The following NOS1AP variants were observed in gnomAD, a reference collection of about 807,000 sequenced individuals.
NOS1AP encodes nitric oxide synthase 1 adaptor protein, also known as carboxyl-terminal PDZ ligand of neuronal nitric oxide synthase protein.
A neutral mutation model predicts 56.2 loss-of-function variants in NOS1AP; 21 were observed. The observed-to-expected ratio is 0.37, with a 90% CI of 0.26 to 0.54. The LOEUF is 0.54. NOS1AP is among the 20% of genes least tolerant of loss of function. The pLI, the probability that NOS1AP is intolerant of heterozygous loss-of-function variation, is 0.84. For missense variants in NOS1AP, 522 were observed against 657.8 expected (o/e 0.79, Z 2.26); for synonymous variants, 270 against 274.6 (o/e 0.98, Z 0.17).
At chr1:162,318,516 A>G (rs1233499907) in intron 4 of NOS1AP, among the ~76,000 whole-genome samples, 1 of 151,646 alleles carries the variant, frequency 6.6e-6, no homozygotes, top group Non-Finnish European at 1.5e-5. Context: ...AGCTTCCACG[A>G]TTGTTTTCTC....
intron 2 of NOS1AP, among the ~76,000 whole-genome samples, chr1:162,251,878 T>TTG (rs1653872619): frequency 2.2e-5 from 3 of 138,298 alleles, no homozygotes; most frequent in Non-Finnish European, 3.1e-5. Flanking sequence ...TGTTTTTTTT[T>TTG]TTTTTTTTTT....
At chr1:162,269,476 C>T (rs541213670) in intron 2 of NOS1AP, among the ~76,000 whole-genome samples, 1 of 152,178 alleles carries the variant, frequency 6.6e-6, no homozygotes, top group South Asian at 2.1e-4. Flanking sequence ...TTTTAAAAAC[C>T]AGTACTTATT....
intron 1 of NOS1AP, among the ~76,000 whole-genome samples, chr1:162,072,539 A>G (rs11800233): frequency 0.03 from 4,552 of 152,326 alleles, 105 homozygotes; most frequent in Non-Finnish European, 0.047. Flanking sequence ...AATGAGAAAT[A>G]GGGGACCAAG....
In NOS1AP at chr1:162,180,792, G is replaced by A. The variant is rs187520086; in HGVS notation, c.177+26316G>A. ...ACACAGCCTGGTTGACACCATGGTT[G>A]CAGCTTTGCAAGACTCTCAGCAGAG... On this transcript the variant is annotated intron_variant, in intron 2 of 9. Coordinates refer to ENST00000361897, the MANE Select transcript of NOS1AP (RefSeq NM_014697.3). 2.2e-3 allele frequency among the ~76,000 whole-genome samples: 334 copies of A among 152,300 alleles called. 3 individuals are homozygous for A. Among genetic ancestry groups the A allele is most frequent in the African/African-American group, 7.5e-3 (312 of 41,570 alleles).
intron 2 of NOS1AP, among the ~76,000 whole-genome samples, chr1:162,167,565 C>A (rs958115831): frequency 6.6e-6 from 1 of 152,210 alleles, no homozygotes; most frequent in Middle Eastern, 3.2e-3. Flanking sequence ...GGTTGTGGGG[C>A]TGAGGGAGGT....
At chr1:162,148,230 C>T (rs1431958365) in intron 1 of NOS1AP, among the ~76,000 whole-genome samples, 1 of 152,210 alleles carries the variant, frequency 6.6e-6, no homozygotes, top group Admixed American at 6.5e-5. Context: ...CTCCCATGGG[C>T]ACTTGGGGTG....
At chr1:162,119,749 T>C (rs1207222514) in intron 1 of NOS1AP, among the ~76,000 whole-genome samples, 1 of 152,214 alleles carries the variant, frequency 6.6e-6, no homozygotes. Flanking sequence ...CGAGGGAATC[T>C]CTCTCTTGTC....
At chr1:162,094,264 C>T (rs1475465128) in intron 1 of NOS1AP, among the ~76,000 whole-genome samples, 1 of 152,196 alleles carries the variant, frequency 6.6e-6, no homozygotes, top group Non-Finnish European at 1.5e-5. Context: ...GCATCATAAA[C>T]ACAGGTTGGT....
At chr1:162,224,917 A>G (rs1652893752) in intron 2 of NOS1AP, among the ~76,000 whole-genome samples, 1 of 152,216 alleles carries the variant, frequency 6.6e-6, no homozygotes, top group South Asian at 2.1e-4. Context: ...AGCCAGTAAA[A>G]GCAGGGCCCC....
rs116468307 is a variant in NOS1AP at position 162,154,589 on chromosome 1, A to G, written c.177+113A>G. 1,122 of 834,224 alleles carry G rather than the reference A, an allele frequency of 1.3e-3. 9 individuals carry two copies. The African/African-American group carries it at 0.015, about 11-fold the overall frequency. The allele number at this position is 834,224 out of a possible 1,614,324, so 51.7% of individuals were successfully genotyped here. On this transcript the variant is annotated intron_variant, in intron 2 of 9. Coordinates refer to ENST00000361897, the MANE Select transcript of NOS1AP (RefSeq NM_014697.3). Reference sequence around the variant, plus strand: ...GGATGGCTACACCCCTTGCAAACCCAAACTCCTCCTCTCTGTACCCTCTAG... The same window carrying G: ...GGATGGCTACACCCCTTGCAAACCCGAACTCCTCCTCTCTGTACCCTCTAG...
intron 2 of NOS1AP, among the ~76,000 whole-genome samples, chr1:162,202,922 G>A (rs971453319): frequency 6.6e-6 from 1 of 152,184 alleles, no homozygotes; most frequent in Non-Finnish European, 1.5e-5. Flanking sequence ...ACTGATGCCT[G>A]TAGGTCTGTT....
chr1:162,162,547 T>C (rs2102112032), intron 2 of NOS1AP, among the ~76,000 whole-genome samples: 1 of 152,334 alleles, frequency 6.6e-6, no homozygotes, highest in Admixed American at 6.5e-5. Context: ...TGTGTATTCC[T>C]CTGCCAAACC....
Position 162,081,774 on chromosome 1 carries a change from A to ATATATATATTT in NOS1AP, c.105+11493_105+11494insATATATATTTT. Reference sequence around the variant, plus strand: ...TCTATAGATATATATATATATATATATTTTTTTTTTGTAGAGATGGGTTTT... The same window carrying ATATATATATTT: ...TCTATAGATATATATATATATATATATATATATATTTTTTTTTTTTTGTAGAGATGGGTTTT... On this transcript the variant is annotated intron_variant, in intron 1 of 9. Transcript: ENST00000361897. Among the ~76,000 whole-genome samples the ATATATATATTT allele has an allele frequency of 3.6e-4, 16 of 43,928 alleles. 1 individual carries two copies. Among genetic ancestry groups the ATATATATATTT allele is most frequent in the East Asian group, 1.8e-3 (3 of 1,708 alleles). The allele number at this position is 43,928 out of a possible 152,430, so 28.8% of individuals were successfully genotyped here.
chr1:162,226,587 A>G (rs1189941004), intron 2 of NOS1AP, among the ~76,000 whole-genome samples: 1 of 152,240 alleles, frequency 6.6e-6, no homozygotes, highest in African/African-American at 2.4e-5. Flanking sequence ...GGACCCTAAC[A>G]GAGTAACCTG....
At chr1:162,226,918 C>CT (rs34269221) in intron 2 of NOS1AP, among the ~76,000 whole-genome samples, 49,288 of 147,270 alleles carry the variant, frequency 0.33, 8,636 homozygotes, top group African/African-American at 0.46. Flanking sequence ...ATACTAGTGA[C>CT]TTTTTTTTTT....
At chr1:162,227,051 G>T (rs1356401663) in intron 2 of NOS1AP, among the ~76,000 whole-genome samples, 1 of 152,100 alleles carries the variant, frequency 6.6e-6, no homozygotes. Flanking sequence ...GAAAGAAAAG[G>T]ATCCTGGATA....
intron 2 of NOS1AP, among the ~76,000 whole-genome samples, chr1:162,255,529 A>C (rs1654002505): frequency 1.4e-5 from 1 of 69,304 alleles, no homozygotes; most frequent in Non-Finnish European, 2.8e-5. Flanking sequence ...TTTTTTTGGT[A>C]AGATAGGTAA....
intron 4 of NOS1AP, among the ~76,000 whole-genome samples, chr1:162,307,246 A>G (rs933241421): frequency 2.5e-4 from 38 of 152,198 alleles, no homozygotes; most frequent in Non-Finnish European, 1.2e-4. Context: ...TTATTGGTGG[A>G]CACTGATGGA....
At chr1:162,106,418 C>T (rs146334703) in intron 1 of NOS1AP, among the ~76,000 whole-genome samples, 32 of 152,300 alleles carry the variant, frequency 2.1e-4, no homozygotes, top group African/African-American at 7.0e-4. Flanking sequence ...TGCTTCCAAT[C>T]GACCCAATGG....
Sources: gnomAD v4.1 joint callset for allele counts (sites outside exome capture counted in the v4.1 genomes callset) on GRCh38, gnomAD v4.1.1 for gene constraint, MANE v1.5 for transcripts, NCBI Gene and HGNC (gene_info 2026-07-23, HGNC 2026-07-21) for gene names.